FANCG: variants seen among roughly 807,000 people sequenced by gnomAD.
FANCG encodes the protein Fanconi anemia group G protein.
FANCG carries 67 observed loss-of-function variants against 73.3 expected under a neutral mutation model. That is an observed-to-expected ratio of 0.91 (90% confidence interval 0.75 to 1.12). FANCG has a LOEUF of 1.12. FANCG is among the 50% of genes most tolerant of loss of function. The pLI, the probability that FANCG is intolerant of heterozygous loss-of-function variation, is 0.00. For synonymous variants in FANCG, 297 were observed against 311.6 expected (o/e 0.95, Z 0.49); for missense variants, 643 against 735.6 (o/e 0.87, Z 1.46).
rs752826583 is a variant in FANCG at position 35,079,251 on chromosome 9, G to A, written c.85-10C>T. The A allele has an allele frequency of 5.0e-6, 8 of 1,605,356 alleles. 1 individual carries two copies. The South Asian group carries it at 7.8e-5, about 16-fold the overall frequency. On this transcript the variant is annotated splice_polypyrimidine_tract_variant and intron_variant, in intron 1 of 13. Transcript: ENST00000378643. The stretch of plus-strand genomic sequence containing the variant: ...CGGAGTTCTGAGCCACCTGCCACAT[G>A]AGGGAGGGGTTGTCACTGAGGATCA...
chr9:35,079,273 A>T (rs779526182), intron 1 of FANCG, 32 bp from the exon 2 acceptor site: 1 of 1,590,508 alleles, frequency 6.3e-7, no homozygotes, highest in Non-Finnish European at 8.6e-7. Flanking sequence ...GTCACTGAGG[A>T]TCAATCCTTT....
intron 8 of FANCG, 158 bp from the exon 9 acceptor site, chr9:35,076,186 G>A: frequency 1.2e-6 from 1 of 842,694 alleles, no homozygotes; most frequent in Non-Finnish European, 2.0e-6. Context: ...GCTCAGTATG[G>A]ATCTACCCCA....
chr9:35,078,802 C>T, intron 2 of FANCG, 66 bp from the exon 3 acceptor site: 1 of 1,603,270 alleles, frequency 6.2e-7, no homozygotes, highest in East Asian at 2.2e-5. Context: ...AAAATCCCAA[C>T]TCAGAGATCA....
chr9:35,075,183 C>G, intron 11 of FANCG, 96 bp downstream of exon 11: 1 of 1,604,938 alleles, frequency 6.2e-7, no homozygotes, highest in Non-Finnish European at 8.5e-7. Context: ...GTCCCTTTCT[C>G]TTAAGTCTCC....
intron 2 of FANCG, 131 bp downstream of exon 2, chr9:35,079,020 C>G (rs1829135637): frequency 2.4e-6 from 2 of 828,118 alleles, no homozygotes; most frequent in Non-Finnish European, 4.0e-6. Context: ...GATGATTCCA[C>G]TCCAGTCTCC....
chr9:35,076,206 T>C, intron 8 of FANCG, 178 bp from the exon 9 acceptor site: 1 of 799,410 alleles, frequency 1.3e-6, no homozygotes, highest in Admixed American at 2.0e-5. Flanking sequence ...AGTTACAGAA[T>C]GGACTGGGGA....
In FANCG at chr9:35,078,854, C is replaced by T. The variant is rs974527395; in HGVS notation, c.176-118G>A. 5 of 1,359,746 alleles carry T rather than the reference C, an allele frequency of 3.7e-6. No individual in the cohort carries two copies. In the African/African-American group the frequency reaches 7.2e-5, roughly 20 times the overall value. The allele number at this position is 1,359,746 out of a possible 1,614,324, so 84.2% of individuals were successfully genotyped here. A position where few individuals can be genotyped will look rare whatever the true frequency, so the allele number is the denominator to read the frequency against. The stretch of plus-strand genomic sequence containing the variant: ...ACAGCTACAATAAAGAACCCACCCT[C>T]CAGCCAATTAGCTAAGGATTTAAAA... On this transcript the variant is annotated intron_variant, in intron 2 of 13. Coordinates refer to ENST00000378643, the MANE Select transcript of FANCG (RefSeq NM_004629.2).
chr9:35,075,886 A>G, intron 9 of FANCG, 76 bp downstream of exon 9: 2 of 1,574,882 alleles, frequency 1.3e-6, no homozygotes, highest in Non-Finnish European at 1.7e-6. Context: ...AAAACAAAAA[A>G]TTGCAGTCTT....
chr9:35,076,075 A>C (rs565989092), intron 8 of FANCG, 47 bp from the exon 9 acceptor site: 3 of 1,530,330 alleles, frequency 2.0e-6, no homozygotes, highest in South Asian at 1.1e-5. Context: ...CTAGCAGGGA[A>C]CCTGCAAGGG....
chr9:35,074,998 A>G lies in FANCG; in HGVS notation c.1565T>C (p.Leu522Pro). 2 of 1,614,206 alleles carry G rather than the reference A, an allele frequency of 1.2e-6. No individual in the cohort carries two copies. Among genetic ancestry groups the G allele is most frequent in the East Asian group, 2.2e-5 (1 of 44,878 alleles). Residue 522 changes from leucine (L) to proline (P), a missense_variant, in exon 12 of 14, where the codon CTG becomes CCG. Coordinates refer to ENST00000378643, the MANE Select transcript of FANCG (RefSeq NM_004629.2). ...LRAAALISRG[L>P]EWVASGQDTK... is the part of the protein sequence containing the mutation. ...ATCCTGGCCGCTGGCTACCCATTCC[A>G]GTCCACGACTAATTAGGGCGGCTGC...
rs1829055945 is a variant in FANCG, at chr9:35,075,002, C to T, written c.1561G>A (p.Gly521Arg). The T allele has an allele frequency of 6.2e-7, 1 of 1,614,072 alleles. No homozygotes were observed. Among genetic ancestry groups the T allele is most frequent in the Admixed American group, 1.7e-5 (1 of 60,008 alleles). Reference sequence around the variant, plus strand: ...TGGCCGCTGGCTACCCATTCCAGTCCACGACTAATTAGGGCGGCTGCCCGA... The same window carrying T: ...TGGCCGCTGGCTACCCATTCCAGTCTACGACTAATTAGGGCGGCTGCCCGA... ...QLRAAALISR[G>R]LEWVASGQDT... The change falls in exon 12 of 14, where the codon GGA (glycine) becomes AGA (arginine). Residue 521 changes from glycine to arginine, a missense_variant. By Grantham distance (125) the Gly-to-Arg change is moderately radical. Coordinates refer to ENST00000378643, the MANE Select transcript of FANCG (RefSeq NM_004629.2).
intron 12 of FANCG, 88 bp from the exon 13 acceptor site, chr9:35,074,582 G>A (rs1829046076): frequency 6.4e-7 from 1 of 1,559,820 alleles, no homozygotes; most frequent in Admixed American, 1.7e-5. Context: ...GGCCTAGAGA[G>A]AGGAAGTATC....
chr9:35,079,577 T>C lies in FANCG; in HGVS notation c.-53A>G. ...GAAGCGGACTTAGGAAGGGTGAAGC[T>C]GGCCTGCCCAAGCTCCCAACCCCAG... On this transcript the variant is annotated 5_prime_UTR_variant, in exon 1 of 14. Transcript: ENST00000378643. The C allele has an allele frequency of 6.3e-7, 1 of 1,585,682 alleles. No homozygotes were observed. Among genetic ancestry groups the C allele is most frequent in the Non-Finnish European group, 8.7e-7 (1 of 1,155,324 alleles).
At chr9:35,079,001 C>T (rs1829135319) in intron 2 of FANCG, 150 bp downstream of exon 2, 1 of 797,262 alleles carries the variant, frequency 1.3e-6, no homozygotes, top group African/African-American at 1.7e-5. Flanking sequence ...AGGGATTTGC[C>T]TGTACAAAGA....
Position 35,079,261 on chromosome 9 carries a change from T to C in FANCG, c.85-20A>G. Reference sequence around the variant, plus strand: ...AGCCACCTGCCACATGAGGGAGGGGTTGTCACTGAGGATCAATCCTTTTTT... The same window carrying C: ...AGCCACCTGCCACATGAGGGAGGGGCTGTCACTGAGGATCAATCCTTTTTT... On this transcript the variant is annotated intron_variant, in intron 1 of 13. Transcript: ENST00000378643. 2 of 1,599,370 alleles carry C rather than the reference T, an allele frequency of 1.3e-6. No individual in the cohort carries two copies. The highest frequency in any genetic ancestry group is 1.7e-6 in the Non-Finnish European group (2 of 1,171,432).
At chr9:35,077,127 G>A in intron 5 of FANCG, 26 bp from the exon 6 acceptor site, 1 of 1,614,174 alleles carries the variant, frequency 6.2e-7, no homozygotes. Context: ...GTGTGAGCTT[G>A]GAGAGGGCTA....
Position 35,075,526 on chromosome 9 carries a change from G to A in FANCG, c.1372C>T (p.Leu458Phe), listed in dbSNP as rs751287895. 1 of 1,614,158 alleles carries A rather than the reference G, an allele frequency of 6.2e-7. No homozygotes were observed. The highest frequency in any genetic ancestry group is 1.3e-5 in the African/African-American group (1 of 75,038). ...AGTTGAACCCAGGCCTGGCCCTGAAGCAGGTGGGTGGCAGAGACCCAGAGT... is the reference window on the plus strand; with the variant it reads ...AGTTGAACCCAGGCCTGGCCCTGAAACAGGTGGGTGGCAGAGACCCAGAGT... ...CPLWVSATHLLQGQAWVQLGA... is the reference protein window; with the variant it reads ...CPLWVSATHLFQGQAWVQLGA... Residue 458 changes from leucine to phenylalanine, a missense_variant, in exon 10 of 14, where the codon CTT becomes TTT. Transcript: ENST00000378643.
At position 35,076,974 on chromosome 9, in the gene FANCG, C is replaced by T. The variant is rs1159014432; in HGVS notation, c.774G>A (p.Lys258=). Residue 258 remains lysine, a synonymous_variant, in exon 6 of 14, where the codon AAG becomes AAA. Transcript: ENST00000378643. ...VYTALGSCHR[K]MGNPQRALLY... is the part of the protein sequence containing the mutation. Reference sequence around the variant, plus strand: ...TCCACCCTAGGACTGTCTTTACCATCTTACGGTGACAGGACCCCAGTGCTG... The same window carrying T: ...TCCACCCTAGGACTGTCTTTACCATTTTACGGTGACAGGACCCCAGTGCTG... 1.2e-6 allele frequency: 2 copies of T among 1,614,228 alleles called. No homozygotes were observed. The highest frequency in any genetic ancestry group is 3.3e-5 in the Admixed American group (2 of 60,028).
In FANCG at chr9:35,079,745, G is replaced by A; in HGVS notation, c.-221C>T. 1.7e-6 allele frequency: 1 copy of A among 598,982 alleles called. No homozygotes were observed. Among genetic ancestry groups the A allele is most frequent in the Admixed American group, 2.8e-5 (1 of 35,932 alleles). The allele number at this position is 598,982 out of a possible 1,614,324, so 37.1% of individuals were successfully genotyped here. Reference sequence around the variant, plus strand: ...GGGCTCTCAACCTCGCCTCTGGTTGGCCGGGTCTGCGAAGCTCTGGGCTGC... The same window carrying A: ...GGGCTCTCAACCTCGCCTCTGGTTGACCGGGTCTGCGAAGCTCTGGGCTGC... On this transcript the variant is annotated 5_prime_UTR_variant, in exon 1 of 14. Transcript: ENST00000378643.
Sources: allele counts gnomAD v4.1 joint callset, GRCh38; gene constraint gnomAD v4.1.1; transcripts MANE v1.5; gene names NCBI Gene and HGNC (gene_info 2026-07-23, HGNC 2026-07-21).